Variants in WDR19 observed in about 807,000 individuals in gnomAD.
WDR19 encodes WD repeat domain 19.
Under a neutral mutation model 180.0 loss-of-function variants are expected in WDR19, and 121 were observed. That is an observed-to-expected ratio of 0.67 (90% CI 0.58 to 0.78). WDR19 has a LOEUF of 0.78. WDR19 is among the 30% of genes least tolerant of loss of function. The probability of loss-of-function intolerance (pLI) is 0.00; values close to 1 mark genes in which losing one functional copy is unlikely to be tolerated. For synonymous variants in WDR19, 497 were observed against 540.7 expected, an observed-to-expected ratio of 0.92 and a Z score of 1.12; for missense variants, 1,450 against 1,640.7, an observed-to-expected ratio of 0.88 and a Z score of 2.01.
At chr4:39,207,959 A>G (rs1012202169) in intron 9 of WDR19, among the ~76,000 whole-genome samples, 12 of 152,176 alleles carry the variant, frequency 7.9e-5, no homozygotes, top group African/African-American at 2.9e-4. Flanking sequence ...CAACTATACT[A>G]TAAAGGGGAG....
At chr4:39,225,891 T>A (rs748986450) in intron 15 of WDR19, among the ~76,000 whole-genome samples, 17 of 152,274 alleles carry the variant, frequency 1.1e-4, no homozygotes, top group Non-Finnish European at 2.1e-4. Context: ...TTGACAAGTA[T>A]AACAAATTTC....
In WDR19 at chr4:39,240,274, C is replaced by A. The variant is rs1407297914; in HGVS notation, c.2364-3C>A. On this transcript the variant is annotated splice_region_variant and splice_polypyrimidine_tract_variant and intron_variant, in intron 20 of 36. Coordinates refer to ENST00000399820, the MANE Select transcript of WDR19 (RefSeq NM_025132.4). The stretch of plus-strand genomic sequence containing the variant: ...TTAAAATTCACTCTTATTTTTTTTT[C>A]AGGGGTGATTATGTAAATGCTTTGG... 1 of 1,291,750 alleles carries A rather than the reference C, an allele frequency of 7.7e-7. No individual in the cohort carries two copies. The highest frequency in any genetic ancestry group is 9.9e-7 in the Non-Finnish European group (1 of 1,009,386). 80.0% of individuals were successfully genotyped at this position (1,291,750 alleles called of 1,614,324 possible).
At chr4:39,208,742 A>G (rs1728204871) in intron 9 of WDR19, among the ~76,000 whole-genome samples, 1 of 152,220 alleles carries the variant, frequency 6.6e-6, no homozygotes, top group Non-Finnish European at 1.5e-5. Flanking sequence ...CATCATTTAC[A>G]TTGATATGTT....
Position 39,225,818 on chromosome 4 carries a change from C to G in WDR19, c.1629+785C>G, listed in dbSNP as rs1233042818. Reference sequence around the variant, plus strand: ...TTCTTCCTTTCCTTTCCTTCCCTTCCCTTTCTCTTCCCTTTCCCTTCCCTT... The same window carrying G: ...TTCTTCCTTTCCTTTCCTTCCCTTCGCTTTCTCTTCCCTTTCCCTTCCCTT... On this transcript the variant is annotated intron_variant, in intron 15 of 36. Transcript: ENST00000399820. 3.3e-5 allele frequency among the ~76,000 whole-genome samples: 5 copies of G among 152,086 alleles called. No individual in the cohort carries two copies. In the South Asian group the frequency reaches 8.3e-4, roughly 25 times the overall value.
At chr4:39,232,062 C>T (rs1355049784) in intron 18 of WDR19, 100 bp from the exon 19 acceptor site, 9 of 1,501,334 alleles carry the variant, frequency 6.0e-6, no homozygotes, top group South Asian at 6.0e-5. Flanking sequence ...ACAAGTGAAT[C>T]GATAGAACGT....
At position 39,269,979 on chromosome 4, in the gene WDR19, A is replaced by G. The variant is rs545916111; in HGVS notation, c.3362A>G (p.Asn1121Ser). 3.3e-5 allele frequency: 53 copies of G among 1,613,162 alleles called. 1 individual carries two copies. In the South Asian group the frequency reaches 3.4e-4, roughly 10 times the overall value. Reference sequence around the variant, plus strand: ...CGTTTTACCACCTTTTTTCAAGGCAACTACCGGAATGCACACGATGTTCTC... The same window carrying G: ...CGTTTTACCACCTTTTTTCAAGGCAGCTACCGGAATGCACACGATGTTCTC... The part of the protein sequence containing the change: ...IIAREEQSAG[N>S]YRNAHDVLFS... Residue 1121 changes from asparagine to serine, a missense_variant, in exon 31 of 37, where the codon AAC (asparagine) becomes AGC (serine). Physicochemically the swap from Asn to Ser is conservative, Grantham distance 46. Coordinates refer to ENST00000399820, the MANE Select transcript of WDR19 (RefSeq NM_025132.4).
intron 33 of WDR19, chr4:39,275,252 A>G: frequency 2.7e-6 from 1 of 365,908 alleles, no homozygotes; most frequent in Non-Finnish European, 5.3e-6. Context: ...GGGCAGGAGA[A>G]TTGCTTGAAC....
intron 2 of WDR19, 97 bp downstream of exon 2, chr4:39,185,914 TAAA>T: frequency 4.7e-6 from 5 of 1,069,472 alleles, no homozygotes; most frequent in South Asian, 1.8e-5. Flanking sequence ...TTTTTTTTTT[TAAA>T]TGGAGTCTAG....
intron 28 of WDR19, among the ~76,000 whole-genome samples, chr4:39,262,194 C>T (rs6531698): frequency 0.083 from 12,614 of 152,194 alleles, 663 homozygotes; most frequent in East Asian, 0.2. Flanking sequence ...GCTTCCTTTC[C>T]TTCCCACTTA....
chr4:39,273,091 A>G, intron 32 of WDR19, 30 bp downstream of exon 32: 1 of 1,491,918 alleles, frequency 6.7e-7, no homozygotes, highest in Non-Finnish European at 9.1e-7. Flanking sequence ...GCTCTCACCC[A>G]TGCCCCATGC....
At chr4:39,187,993 G>A (rs2109747345) in intron 3 of WDR19, among the ~76,000 whole-genome samples, 1 of 152,108 alleles carries the variant, frequency 6.6e-6, no homozygotes, top group South Asian at 2.1e-4. Context: ...TCAACATTTT[G>A]AAAAATAAAA....
intron 3 of WDR19, 46 bp downstream of exon 3, chr4:39,186,650 C>T (rs1371058207): frequency 3.1e-6 from 4 of 1,306,444 alleles, no homozygotes; most frequent in Admixed American, 2.6e-5. Flanking sequence ...GTTTTGTTGC[C>T]TAAAAGATTA....
At chr4:39,261,875 A>G (rs1208600698) in intron 28 of WDR19, among the ~76,000 whole-genome samples, 2 of 152,140 alleles carry the variant, frequency 1.3e-5, no homozygotes, top group Admixed American at 1.3e-4. Flanking sequence ...TGAAACCAAC[A>G]TATTTGTACT....
chr4:39,222,715 ACTTT>A (rs773058277), intron 14 of WDR19, among the ~76,000 whole-genome samples: 2 of 152,194 alleles, frequency 1.3e-5, no homozygotes, highest in Non-Finnish European at 2.9e-5. Flanking sequence ...TTTTAATTAA[ACTTT>A]CTGTTTTGAG....
At chr4:39,284,727 AC>A (rs1317025627) in intron 36 of WDR19, among the ~76,000 whole-genome samples, 4 of 151,994 alleles carry the variant, frequency 2.6e-5, no homozygotes, top group African/African-American at 9.7e-5. Flanking sequence ...TGCAAGTGGA[AC>A]CTTGTATTTT....
chr4:39,270,584 G>A (rs944839156), intron 31 of WDR19, among the ~76,000 whole-genome samples: 2 of 152,056 alleles, frequency 1.3e-5, no homozygotes, highest in African/African-American at 4.8e-5. Flanking sequence ...CACCATGTTG[G>A]CCAGGCTGAT....
chr4:39,272,889 A>G, intron 31 of WDR19, 91 bp from the exon 32 acceptor site: 1 of 1,051,716 alleles, frequency 9.5e-7, no homozygotes, highest in Non-Finnish European at 1.4e-6. Flanking sequence ...ACCCTGGGCC[A>G]TCATCAAGGA....
At chr4:39,273,306 C>G (rs1456936516) in intron 32 of WDR19, 6 of 487,912 alleles carry the variant, frequency 1.2e-5, no homozygotes, top group Non-Finnish European at 2.1e-5. Context: ...GGATCTGAGG[C>G]AAAATGAGCA....
At chr4:39,270,163 C>T (rs1008962262) in intron 31 of WDR19, 63 bp downstream of exon 31, 62 of 1,592,238 alleles carry the variant, frequency 3.9e-5, no homozygotes, top group Non-Finnish European at 5.2e-5. Flanking sequence ...TTGAGATTTT[C>T]TCCAGGCCCT....
Sources: gnomAD v4.1 joint callset for allele counts (sites outside exome capture counted in the v4.1 genomes callset) on GRCh38, gnomAD v4.1.1 for gene constraint, MANE v1.5 for transcripts, NCBI Gene and HGNC (gene_info 2026-07-23, HGNC 2026-07-21) for gene names.